Variants in SRPK2 observed in about 807,000 individuals in gnomAD.
SRPK2 encodes the protein SFRS protein kinase 2.
A neutral mutation model predicts 90.8 loss-of-function variants in SRPK2; 21 were observed. That is an observed-to-expected ratio of 0.23 (90% confidence interval 0.16 to 0.33). The LOEUF is 0.33. Ranked by LOEUF, SRPK2 falls within the 10% of genes least tolerant of loss-of-function variation. SRPK2 has a pLI of 1.00. For synonymous variants in SRPK2, 288 were observed against 311.1 expected, an observed-to-expected ratio of 0.93 and a Z score of 0.78; for missense variants, 620 against 869.0, an observed-to-expected ratio of 0.71 and a Z score of 3.60.
At chr7:105,127,749 C>T (rs1032128758) in intron 13 of SRPK2, among the ~76,000 whole-genome samples, 1 of 150,380 alleles carries the variant, frequency 6.6e-6, no homozygotes, top group African/African-American at 2.5e-5. Flanking sequence ...CACAAAAAAA[C>T]CCTCAAAAAC....
chr7:105,306,605 C>T (rs564367863), intron 2 of SRPK2: 20 of 413,790 alleles, frequency 4.8e-5, no homozygotes, highest in South Asian at 3.1e-4. Flanking sequence ...GAAGAAAAAA[C>T]ATGTTGGCTA....
intron 1 of SRPK2, chr7:105,399,061 T>C (rs1822401480): frequency 6.6e-6 from 1 of 152,240 alleles, no homozygotes; most frequent in African/African-American, 2.4e-5. Flanking sequence ...ATCATATATA[T>C]GTGCCATGTT....
At chr7:105,180,391 G>A (rs148225925) in intron 3 of SRPK2, among the ~76,000 whole-genome samples, 51 of 152,236 alleles carry the variant, frequency 3.4e-4, no homozygotes, top group African/African-American at 1.1e-3. Flanking sequence ...GACTGAAACC[G>A]CACCCCTTCC....
At chr7:105,308,234 A>C (rs1440645099) in intron 2 of SRPK2, among the ~76,000 whole-genome samples, 1 of 152,194 alleles carries the variant, frequency 6.6e-6, no homozygotes, top group African/African-American at 2.4e-5. Context: ...TATTTTGCCA[A>C]CAACCAACTG....
At chr7:105,254,568 ATATGT>A (rs1302719973) in intron 2 of SRPK2, among the ~76,000 whole-genome samples, 1 of 152,156 alleles carries the variant, frequency 6.6e-6, no homozygotes, top group Non-Finnish European at 1.5e-5. Flanking sequence ...GAAAATTTGC[ATATGT>A]TAAGTATAAA....
chr7:105,167,647 A>G (rs1337804688), intron 5 of SRPK2, among the ~76,000 whole-genome samples, 183 bp from the exon 6 acceptor site: 3 of 152,100 alleles, frequency 2.0e-5, no homozygotes, highest in South Asian at 4.1e-4. Context: ...GTCTTGCTCT[A>G]TCGCCCAGTC....
In SRPK2 at chr7:105,168,065, T is replaced by C; in HGVS notation, c.369A>G (p.Val123=). Residue 123 remains valine (V), a synonymous_variant, in exon 5 of 16, where the codon GTA becomes GTG. Coordinates refer to ENST00000393651, the MANE Select transcript of SRPK2 (RefSeq NM_182692.3). ...TCTCCGTATAATGCTGGGCACTTTT[T>C]ACAACTTTCATTGCAACAAATCTTT... ...QGKRFVAMKV[V]KSAQHYTETA... 3 of 1,612,996 alleles carry C rather than the reference T, an allele frequency of 1.9e-6. No individual in the cohort carries two copies. Among genetic ancestry groups the C allele is most frequent in the Non-Finnish European group, 2.5e-6 (3 of 1,179,492 alleles).
chr7:105,282,019 A>C (rs777035536), intron 2 of SRPK2, among the ~76,000 whole-genome samples: 3 of 152,346 alleles, frequency 2.0e-5, no homozygotes, highest in Non-Finnish European at 4.4e-5. Context: ...TCTTGAAAAA[A>C]GAAAAAGTTG....
In SRPK2 at chr7:105,200,513, G is replaced by A. The variant is rs370006896; in HGVS notation, c.229+3115C>T. On this transcript the variant is annotated intron_variant, in intron 3 of 15. Transcript: ENST00000393651. ...CAGAAAGTCAGCCCGGGGTGGCGGCGGGGGTAGGGATAAATATTTGAATGG... is the reference window on the plus strand; with the variant it reads ...CAGAAAGTCAGCCCGGGGTGGCGGCAGGGGTAGGGATAAATATTTGAATGG... Among the ~76,000 whole-genome samples, 14 of 151,998 alleles carry A rather than the reference G, an allele frequency of 9.2e-5. No individual in the cohort carries two copies. The South Asian group carries it at 1.3e-3, about 14-fold the overall frequency.
At chr7:105,327,593 T>C (rs927254072) in intron 2 of SRPK2, among the ~76,000 whole-genome samples, 8 of 152,188 alleles carry the variant, frequency 5.3e-5, no homozygotes, top group Admixed American at 6.5e-5. Context: ...AATTAATTGT[T>C]ACACATCTGA....
chr7:105,133,140 G>C (rs747111799), intron 11 of SRPK2, 36 bp from the exon 12 acceptor site: 1 of 1,601,106 alleles, frequency 6.2e-7, no homozygotes, highest in Non-Finnish European at 8.6e-7. Flanking sequence ...TTAGTGATCG[G>C]GATAGGTGGT....
intron 15 of SRPK2, 87 bp downstream of exon 15, chr7:105,126,161 G>T: frequency 8.9e-7 from 1 of 1,121,764 alleles, no homozygotes; most frequent in Non-Finnish European, 1.3e-6. Flanking sequence ...TAGGAGAAAT[G>T]CCTTTGTCAC....
chr7:105,327,869 C>T (rs1240353136), intron 2 of SRPK2, among the ~76,000 whole-genome samples: 2 of 152,192 alleles, frequency 1.3e-5, no homozygotes, highest in Non-Finnish European at 1.5e-5. Flanking sequence ...GGCGTGATCC[C>T]GGCTCACTGC....
At chr7:105,325,665 T>C (rs745663650) in intron 2 of SRPK2, among the ~76,000 whole-genome samples, 7 of 150,142 alleles carry the variant, frequency 4.7e-5, no homozygotes, top group Non-Finnish European at 1.0e-4. Context: ...CAAGACAACA[T>C]AGCGAGACCT....
At chr7:105,273,228 A>G (rs11980772) in intron 2 of SRPK2, among the ~76,000 whole-genome samples, 19,859 of 151,156 alleles carry the variant, frequency 0.13, 1,728 homozygotes, top group East Asian at 0.25. Context: ...AAAAAAAAAG[A>G]AAAAAGAATT....
intron 2 of SRPK2, among the ~76,000 whole-genome samples, chr7:105,356,541 C>T (rs1817803047): frequency 6.6e-6 from 1 of 152,086 alleles, no homozygotes; most frequent in Non-Finnish European, 1.5e-5. Flanking sequence ...ATAAATGTTA[C>T]TCACTATATT....
intron 2 of SRPK2, among the ~76,000 whole-genome samples, chr7:105,330,354 T>A (rs1196663686): frequency 6.7e-6 from 1 of 149,938 alleles, no homozygotes; most frequent in Non-Finnish European, 1.5e-5. Context: ...AATAAATAAA[T>A]AAAAATAAAA....
intron 2 of SRPK2, among the ~76,000 whole-genome samples, chr7:105,344,452 C>G (rs1459656687): frequency 8.3e-6 from 1 of 120,248 alleles, no homozygotes; most frequent in African/African-American, 3.2e-5. Flanking sequence ...TAGGATATCA[C>G]TATATTGACC....
upstream of SRPK2, chr7:105,389,053 G>GCCCCCGCC (rs1822034219): frequency 1.1e-6 from 1 of 900,412 alleles, no homozygotes; most frequent in South Asian, 5.4e-5. Context: ...AGCGCCCCGC[G>GCCCCCGCC]CCCCCGCCCC....
Sources: gnomAD v4.1 joint callset for allele counts (sites outside exome capture counted in the v4.1 genomes callset) on GRCh38, gnomAD v4.1.1 for gene constraint, MANE v1.5 for transcripts, NCBI Gene and HGNC (gene_info 2026-07-23, HGNC 2026-07-21) for gene names.